The following PCK2 variants were observed in gnomAD, a reference collection of about 807,000 sequenced individuals.
PCK2 encodes phosphoenolpyruvate carboxykinase [GTP], mitochondrial.
PCK2 carries 56 observed loss-of-function variants against 65.9 expected under a neutral mutation model. The observed-to-expected ratio is 0.85, with a 90% CI of 0.69 to 1.06. PCK2 has a LOEUF of 1.06. Ranked by LOEUF, PCK2 falls within the 50% of genes least tolerant of loss-of-function variation. The pLI, the probability that PCK2 is intolerant of heterozygous loss-of-function variation, is 0.00. For synonymous variants in PCK2, 305 were observed against 319.6 expected (o/e 0.95, Z 0.49); for missense variants, 843 against 863.1 (o/e 0.98, Z 0.29).
chr14:24,098,402 G>A lies in PCK2; in HGVS notation c.460+15G>A, dbSNP rs552310775. 1.2e-6 allele frequency: 2 copies of A among 1,611,668 alleles called. No individual in the cohort carries two copies. Among genetic ancestry groups the A allele is most frequent in the Non-Finnish European group, 1.7e-6 (2 of 1,177,972 alleles). On this transcript the variant is annotated intron_variant, in intron 3 of 9. Transcript: ENST00000216780. ...CTGCATGCAGGGTAACCAGGGCAGG[G>A]GCACAGTGGCAAGGGCACGGAAGAT...
Position 24,094,615 on chromosome 14 carries a change from G to A in PCK2, c.29+181G>A. The A allele has an allele frequency of 6.8e-7, 1 of 1,465,196 alleles. No individual in the cohort carries two copies. The highest frequency in any genetic ancestry group is 9.0e-7 in the Non-Finnish European group (1 of 1,109,284). 90.8% of individuals were successfully genotyped at this position (1,465,196 alleles called of 1,614,324 possible). A position where few individuals can be genotyped will look rare whatever the true frequency, so the allele number is the denominator to read the frequency against. ...CGCGCGTCTCTTGGGAGGGCAGCCG[G>A]CCGGTGCTCCTCGTTTCCGCCTGCA... On this transcript the variant is annotated intron_variant, in intron 1 of 9. Coordinates refer to ENST00000216780, the MANE Select transcript of PCK2 (RefSeq NM_004563.4). The surrounding 1 kb of genome is among the most constrained non-coding windows in gnomAD (Gnocchi z 4.1).
At chr14:24,096,319 A>G (rs1249452352) in intron 1 of PCK2, among the ~76,000 whole-genome samples, 1 of 127,900 alleles carries the variant, frequency 7.8e-6, no homozygotes, top group Non-Finnish European at 1.6e-5. Flanking sequence ...GCTCACTGCA[A>G]CCTCCACCTC....
At position 24,098,251 on chromosome 14, in the gene PCK2, G is replaced by A. The variant is rs1021264551; in HGVS notation, c.324G>A (p.Lys108=). Residue 108 remains lysine (K), a synonymous_variant, in exon 3 of 10, where the codon AAG becomes AAA. Transcript: ENST00000216780. The part of the protein sequence containing the change: ...DPKDVARVES[K]TVIVTPSQRD... ...AGGATGTGGCACGAGTAGAGAGCAAGACGGTGATTGTAACTCCTTCTCAGC... is the reference window on the plus strand; with the variant it reads ...AGGATGTGGCACGAGTAGAGAGCAAAACGGTGATTGTAACTCCTTCTCAGC... 1.2e-6 allele frequency: 2 copies of A among 1,613,980 alleles called. No individual in the cohort carries two copies. Among genetic ancestry groups the A allele is most frequent in the Non-Finnish European group, 1.7e-6 (2 of 1,179,982 alleles).
Position 24,098,201 on chromosome 14 carries a change from A to G in PCK2, c.276-2A>G, listed in dbSNP as rs1185312717. On this transcript the variant is annotated splice_acceptor_variant, in intron 2 of 9. Transcript: ENST00000216780. LOFTEE classifies it high-confidence loss of function. ...TCTTCCTGACAATCCCCTCTCCCCC[A>G]GCTGGCTGGCCCGCACAGACCCCAA... The G allele has an allele frequency of 1.3e-6, 2 of 1,591,698 alleles. No homozygotes were observed.
chr14:24,100,173 T>C lies in PCK2; in HGVS notation c.1194T>C (p.Gly398=). 1 of 1,614,176 alleles carries C rather than the reference T, an allele frequency of 6.2e-7. No homozygotes were observed. ...WEGIDQPLPP[G]VTVTSWLGKP... is the part of the protein sequence containing the mutation. Reference sequence around the variant, plus strand: ...GCATTGACCAGCCTCTTCCACCTGGTGTTACTGTGACCTCCTGGCTGGGCA... The same window carrying C: ...GCATTGACCAGCCTCTTCCACCTGGCGTTACTGTGACCTCCTGGCTGGGCA... The change falls in exon 7 of 10, where the codon GGT becomes GGC. Residue 398 remains glycine (G), a synonymous_variant. Coordinates refer to ENST00000216780, the MANE Select transcript of PCK2 (RefSeq NM_004563.4).
At chr14:24,100,408 G>A in intron 7 of PCK2, 195 bp downstream of exon 7, 1 of 1,261,260 alleles carries the variant, frequency 7.9e-7, no homozygotes, top group Non-Finnish European at 1.1e-6. Context: ...TTGTGATCTG[G>A]CTAAGTTGCT....
At position 24,095,377 on chromosome 14, in the gene PCK2, A is replaced by G. The variant is rs528528846; in HGVS notation, c.29+943A>G. ...TTCCCTCTGAGGCAGGAACAGACCC[A>G]GGTCCCAGTAGCCCTCCTCCCCTGC... On this transcript the variant is annotated intron_variant, in intron 1 of 9. Transcript: ENST00000216780. 245 of 387,646 alleles carry G rather than the reference A, an allele frequency of 6.3e-4. 3 individuals carry two copies. Among genetic ancestry groups the G allele is most frequent in the Admixed American group, 1.7e-3 (57 of 34,302 alleles). 24.0% of individuals were successfully genotyped at this position (387,646 alleles called of 1,614,324 possible).
rs574007644 is a variant in PCK2 at position 24,094,656 on chromosome 14, C to T, written c.29+222C>T. The T allele has an allele frequency of 2.0e-6, 3 of 1,502,468 alleles. No individual in the cohort carries two copies. The highest frequency in any genetic ancestry group is 2.8e-5 in the African/African-American group (2 of 72,500). 93.1% of individuals were successfully genotyped at this position (1,502,468 alleles called of 1,614,324 possible). On this transcript the variant is annotated intron_variant, in intron 1 of 9. Transcript: ENST00000216780. The surrounding 1 kb of genome is among the most constrained non-coding windows in gnomAD (Gnocchi z 4.1). The stretch of plus-strand genomic sequence containing the variant: ...TCCGCCTGCACCTCCCCTTCTCTGC[C>T]TCGCTCGCCTCTGACCGCGCGATCT...
In PCK2 at chr14:24,094,806, C is replaced by T. The variant is rs1447632245; in HGVS notation, c.29+372C>T. The T allele has an allele frequency of 7.4e-7, 1 of 1,349,412 alleles. No homozygotes were observed. The highest frequency in any genetic ancestry group is 1.2e-5 in the South Asian group (1 of 81,516). 83.6% of individuals were successfully genotyped at this position (1,349,412 alleles called of 1,614,324 possible). On this transcript the variant is annotated intron_variant, in intron 1 of 9. Coordinates refer to ENST00000216780, the MANE Select transcript of PCK2 (RefSeq NM_004563.4). This position sits in a 1 kb window ranked among gnomAD's most constrained non-coding sequence, Gnocchi z 4.1. ...CTCTAACGGGCTCTCAGCCAGCGCC[C>T]CAGGGTACTTCGAGAGGCAGCAGGG...
chr14:24,101,879 C>T (rs760417656), intron 7 of PCK2, among the ~76,000 whole-genome samples: 49 of 152,202 alleles, frequency 3.2e-4, no homozygotes, highest in Non-Finnish European at 6.8e-4. Flanking sequence ...CATGCCACTG[C>T]ACTCCAGCCT....
chr14:24,101,141 A>G lies in PCK2; in HGVS notation c.1234+928A>G, dbSNP rs369903079. ...TAAGCCCCCCTCAGCCTTCCCACCC[A>G]ACTGAGAAATCCAAGAAACTTTCAT... On this transcript the variant is annotated intron_variant, in intron 7 of 9. Transcript: ENST00000216780. Among the ~76,000 whole-genome samples, 40 of 152,086 alleles carry G rather than the reference A, an allele frequency of 2.6e-4. 1 individual carries two copies. The highest frequency in any genetic ancestry group is 8.7e-4 in the African/African-American group (36 of 41,420).
intron 7 of PCK2, among the ~76,000 whole-genome samples, chr14:24,101,689 G>A (rs536251206): frequency 2.0e-5 from 3 of 152,284 alleles, no homozygotes; most frequent in African/African-American, 2.4e-5. Flanking sequence ...TTGGGAGGCC[G>A]AGGCAGTTGG....
At chr14:24,101,910 T>C (rs2037177065) in intron 7 of PCK2, among the ~76,000 whole-genome samples, 1 of 151,346 alleles carries the variant, frequency 6.6e-6, no homozygotes. Context: ...TGAGACTCCG[T>C]CTCATAACTA....
At position 24,098,334 on chromosome 14, in the gene PCK2, C is replaced by T; in HGVS notation, c.407C>T (p.Ser136Phe). 1 of 1,613,882 alleles carries T rather than the reference C, an allele frequency of 6.2e-7. No individual in the cohort carries two copies. Among genetic ancestry groups the T allele is most frequent in the Non-Finnish European group, 8.5e-7 (1 of 1,179,840 alleles). The change falls in exon 3 of 10, where the codon TCC (serine) becomes TTC (phenylalanine). Residue 136 changes from serine (S) to phenylalanine (F), a missense_variant. Transcript: ENST00000216780. ...CGTGGGCAGCTGGGCAACTGGATGT[C>T]CCCAGCTGATTTCCAGCGAGCTGTG... is the stretch of plus-strand genomic sequence containing the variant. Reference protein sequence around the residue: ...GARGQLGNWMSPADFQRAVDE... With the variant: ...GARGQLGNWMFPADFQRAVDE...
rs2037278788 is a variant in PCK2 at position 24,103,943 on chromosome 14, G to A, written c.1902G>A (p.Glu634=). The change falls in exon 10 of 10, where the codon GAG becomes GAA. Residue 634 remains glutamate (E), a synonymous_variant. Coordinates refer to ENST00000216780, the MANE Select transcript of PCK2 (RefSeq NM_004563.4). ...KEVLAELEAL[E]RRVHKM is the part of the protein sequence containing the mutation. ...TGTTGGCTGAGCTTGAGGCCCTGGA[G>A]AGACGTGTGCACAAAATGTGACCTG... 1 of 1,613,744 alleles carries A rather than the reference G, an allele frequency of 6.2e-7. No individual in the cohort carries two copies. Among genetic ancestry groups the A allele is most frequent in the Non-Finnish European group, 8.5e-7 (1 of 1,179,962 alleles).
rs867569020 is a variant in PCK2 at position 24,100,299 on chromosome 14, C to T, written c.1234+86C>T. The T allele has an allele frequency of 3.9e-6, 6 of 1,549,256 alleles. No individual in the cohort carries two copies. In the African/African-American group the frequency reaches 6.9e-5, roughly 18 times the overall value. Reference sequence around the variant, plus strand: ...AGCTTTCTCCACAACCTCCAACCATCTTCTAGGACTGCCAGGAGGCACAGA... The same window carrying T: ...AGCTTTCTCCACAACCTCCAACCATTTTCTAGGACTGCCAGGAGGCACAGA... On this transcript the variant is annotated intron_variant, in intron 7 of 9. Coordinates refer to ENST00000216780, the MANE Select transcript of PCK2 (RefSeq NM_004563.4).
intron 7 of PCK2, 74 bp downstream of exon 7, chr14:24,100,287 A>G (rs1459363546): frequency 1.3e-5 from 21 of 1,571,012 alleles, no homozygotes; most frequent in Non-Finnish European, 1.8e-5. Context: ...TTTCTCCACA[A>G]CCTCCAACCA....
rs1222645070 is a variant in PCK2 at position 24,099,147 on chromosome 14, G to T, written c.763G>T (p.Gly255Cys). Residue 255 changes from glycine to cysteine, a missense_variant, in exon 5 of 10, where the codon GGC becomes TGC. Coordinates refer to ENST00000216780, the MANE Select transcript of PCK2 (RefSeq NM_004563.4). ...CATCTCCTTCGGCAGCGGCTATGGT[G>T]GCAACTCCCTGCTGGGCAAGAAGTG... The part of the protein sequence containing the change: ...EIISFGSGYG[G>C]NSLLGKKCFA... The T allele has an allele frequency of 1.2e-6, 2 of 1,611,626 alleles. No individual in the cohort carries two copies. Among genetic ancestry groups the T allele is most frequent in the Non-Finnish European group, 1.7e-6 (2 of 1,179,768 alleles).
In PCK2 at chr14:24,103,771, C is replaced by T. The variant is rs1363815879; in HGVS notation, c.1730C>T (p.Pro577Leu). The change falls in exon 10 of 10, where the codon CCA (proline) becomes CTA (leucine). Residue 577 changes from proline (P) to leucine (L), a missense_variant. Transcript: ENST00000216780. ...SARETPIGLVPKEGALDLSGL... is the reference protein window; with the variant it reads ...SARETPIGLVLKEGALDLSGL... ...CGAGAGACACCCATTGGGCTGGTGC[C>T]AAAGGAAGGAGCCTTGGATCTCAGC... is the stretch of plus-strand genomic sequence containing the variant. The T allele has an allele frequency of 1.9e-6, 3 of 1,614,034 alleles. No homozygotes were observed. The highest frequency in any genetic ancestry group is 2.5e-6 in the Non-Finnish European group (3 of 1,180,038).
Sources: allele counts gnomAD v4.1 joint callset (sites outside exome capture counted in the v4.1 genomes callset), GRCh38; gene constraint gnomAD v4.1.1; non-coding constraint Gnocchi (gnomAD v3.1); transcripts MANE v1.5; gene names NCBI Gene and HGNC (gene_info 2026-07-23, HGNC 2026-07-21).